SYT1: variants seen among roughly 807,000 people sequenced by gnomAD.
The protein encoded by SYT1 is synaptotagmin 1.
In SYT1, 8 loss-of-function variants were observed where a neutral mutation model predicts 44.8. That is an observed-to-expected ratio of 0.18 (90% CI 0.10 to 0.32). The LOEUF (loss-of-function observed/expected upper bound fraction) is 0.32, where lower values mean the gene tolerates loss of function less well. Ranked by LOEUF, SYT1 falls within the 10% of genes least tolerant of loss-of-function variation. The pLI is 1.00. For missense variants in SYT1, 286 were observed against 509.3 expected (o/e 0.56, Z 4.22); for synonymous variants, 154 against 188.8 (o/e 0.82, Z 1.51).
chr12:79,116,402 G>C (rs568213749), intron 3 of SYT1, among the ~76,000 whole-genome samples: 9 of 152,190 alleles, frequency 5.9e-5, no homozygotes, highest in African/African-American at 2.2e-4. Flanking sequence ...GGAAAAGATA[G>C]GTGAAAATTA....
chr12:78,896,982 C>T (rs2137086781), intron 1 of SYT1, among the ~76,000 whole-genome samples: 1 of 151,900 alleles, frequency 6.6e-6, no homozygotes, highest in Non-Finnish European at 1.5e-5. Context: ...GAGAACCTCA[C>T]AATCATGCTC....
intron 9 of SYT1, among the ~76,000 whole-genome samples, chr12:79,370,356 C>T (rs1025221918): frequency 3.9e-5 from 6 of 152,198 alleles, no homozygotes; most frequent in African/African-American, 1.4e-4. Context: ...TGAACCTACT[C>T]TTATTAACTA....
At chr12:79,413,264 T>G (rs967091431) in intron 9 of SYT1, among the ~76,000 whole-genome samples, 2 of 152,228 alleles carry the variant, frequency 1.3e-5, no homozygotes, top group Non-Finnish European at 2.9e-5. Flanking sequence ...CTGCTTCATA[T>G]GTGATTTATG....
chr12:79,391,867 G>A (rs539705257), intron 9 of SYT1, among the ~76,000 whole-genome samples: 1 of 152,284 alleles, frequency 6.6e-6, no homozygotes, highest in Admixed American at 6.5e-5. Flanking sequence ...AAGACAATGG[G>A]TAGAATACTG....
At chr12:79,437,148 T>C (rs1870135358) in intron 9 of SYT1, among the ~76,000 whole-genome samples, 1 of 152,184 alleles carries the variant, frequency 6.6e-6, no homozygotes, top group Admixed American at 6.5e-5. Flanking sequence ...TATGGAGATA[T>C]GACAATAAGT....
chr12:79,384,237 C>A (rs1011710701), intron 9 of SYT1, among the ~76,000 whole-genome samples: 2 of 152,088 alleles, frequency 1.3e-5, no homozygotes, highest in African/African-American at 4.8e-5. Flanking sequence ...GGCCTAACAA[C>A]CTCTTAAACA....
intron 1 of SYT1, among the ~76,000 whole-genome samples, chr12:78,958,004 AGTTTC>A (rs1226553133): frequency 6.6e-6 from 1 of 152,166 alleles, no homozygotes; most frequent in African/African-American, 2.4e-5. Context: ...ATTCTTGCAT[AGTTTC>A]ATGTGAGATC....
chr12:78,876,862 A>AT (rs1874170834), intron 1 of SYT1, among the ~76,000 whole-genome samples: 2 of 51,122 alleles, frequency 3.9e-5, no homozygotes, highest in African/African-American at 1.9e-4. Context: ...TATATAATAT[A>AT]TATAATATAT....
At chr12:79,321,174 G>A (rs962503411) in intron 8 of SYT1, among the ~76,000 whole-genome samples, 4 of 152,166 alleles carry the variant, frequency 2.6e-5, no homozygotes, top group Non-Finnish European at 4.4e-5. Flanking sequence ...AGGAAACTGA[G>A]ACTCAGAAAG....
chr12:79,241,169 G>A (rs1400488775), intron 4 of SYT1, among the ~76,000 whole-genome samples: 2 of 152,022 alleles, frequency 1.3e-5, no homozygotes, highest in African/African-American at 4.8e-5. Flanking sequence ...GTGAAACCCT[G>A]TCTCAAAACA....
chr12:79,001,261 A>T (rs556340458), intron 2 of SYT1, among the ~76,000 whole-genome samples: 58 of 95,420 alleles, frequency 6.1e-4, no homozygotes, highest in East Asian at 3.3e-3. Flanking sequence ...CATTTCTTTT[A>T]AAAAAAAAAA....
At chr12:79,231,544 G>T (rs1288521800) in intron 4 of SYT1, among the ~76,000 whole-genome samples, 1 of 151,838 alleles carries the variant, frequency 6.6e-6, no homozygotes, top group Non-Finnish European at 1.5e-5. Context: ...TATTTGAACT[G>T]ATAAATATGC....
chr12:79,145,986 T>C (rs938920960), intron 3 of SYT1, among the ~76,000 whole-genome samples: 1 of 152,022 alleles, frequency 6.6e-6, no homozygotes, highest in Non-Finnish European at 1.5e-5. Flanking sequence ...CTCGATCTCC[T>C]GACCTCGTGA....
At chr12:79,429,574 G>A (rs894568271) in intron 9 of SYT1, among the ~76,000 whole-genome samples, 3 of 151,696 alleles carry the variant, frequency 2.0e-5, no homozygotes, top group African/African-American at 7.3e-5. Flanking sequence ...TGTCACCCAG[G>A]ATGGAGTGCA....
chr12:79,311,316 A>C (rs200600656), intron 8 of SYT1, among the ~76,000 whole-genome samples: 2,165 of 126,860 alleles, frequency 0.017, no homozygotes, highest in South Asian at 0.033. Flanking sequence ...AACTGCAATG[A>C]GATACCATCT....
intron 8 of SYT1, among the ~76,000 whole-genome samples, chr12:79,308,527 A>AG: frequency 7.5e-6 from 1 of 133,536 alleles, no homozygotes; most frequent in African/African-American, 2.8e-5. Flanking sequence ...GAAAGAAAGA[A>AG]GAAATAAAGA....
intron 1 of SYT1, among the ~76,000 whole-genome samples, chr12:78,937,424 A>C (rs888677551): frequency 2.0e-5 from 3 of 152,160 alleles, no homozygotes; most frequent in Admixed American, 1.3e-4. Flanking sequence ...AAACAATGAA[A>C]ATGTATCTTA....
At position 78,931,185 on chromosome 12, in the gene SYT1, AAGAAAG is replaced by A. The variant is rs1565723089; in HGVS notation, c.-216-46612_-216-46607del. Among the ~76,000 whole-genome samples the A allele has an allele frequency of 5.8e-3, 124 of 21,546 alleles. 2 individuals carry two copies. The highest frequency in any genetic ancestry group is 0.023 in the African/African-American group (121 of 5,272). The allele number at this position is 21,546 out of a possible 152,430, so 14.1% of individuals were successfully genotyped here. A position where few individuals can be genotyped will look rare whatever the true frequency, so the allele number is the denominator to read the frequency against. On this transcript the variant is annotated intron_variant, in intron 1 of 10. Coordinates refer to ENST00000261205, the MANE Select transcript of SYT1 (RefSeq NM_005639.3). ...GGAAAGAAAGAAAGAAAGAAAAAGA[AAGAAAG>A]AAAGAAAGAAAGAAAGAAAGAAAGA...
rs189228547 is a variant in SYT1 at position 78,882,585 on chromosome 12, C to T, written c.-217+17476C>T. Among the ~76,000 whole-genome samples, 17 of 151,794 alleles carry T rather than the reference C, an allele frequency of 1.1e-4. No homozygotes were observed. The South Asian group carries it at 2.5e-3, about 22-fold the overall frequency. On this transcript the variant is annotated intron_variant, in intron 1 of 10. Transcript: ENST00000261205. ...AACTGCCAAGAATTGGCAAACTCTGCGTGGTAGAGAGATTTGAACAAATAA... is the reference window on the plus strand; with the variant it reads ...AACTGCCAAGAATTGGCAAACTCTGTGTGGTAGAGAGATTTGAACAAATAA...
Sources: gnomAD v4.1 joint callset for allele counts (sites outside exome capture counted in the v4.1 genomes callset) on GRCh38, gnomAD v4.1.1 for gene constraint, MANE v1.5 for transcripts, NCBI Gene and HGNC (gene_info 2026-07-23, HGNC 2026-07-21) for gene names.